The following GRID2 variants were observed in gnomAD, a reference collection of about 807,000 sequenced individuals.
GRID2 encodes glutamate receptor ionotropic, delta-2.
GRID2 carries 33 observed loss-of-function variants against 114.8 expected under a neutral mutation model. That is an observed-to-expected ratio of 0.29 (90% CI 0.22 to 0.38). The LOEUF (loss-of-function observed/expected upper bound fraction) is 0.38, where lower values mean the gene tolerates loss of function less well. GRID2 is among the 10% of genes least tolerant of loss of function. The probability of loss-of-function intolerance (pLI) is 1.00; values close to 1 mark genes in which losing one functional copy is unlikely to be tolerated. For missense variants in GRID2, 1,184 were observed against 1,257.7 expected (o/e 0.94, Z 0.89); for synonymous variants, 505 against 449.9 (o/e 1.12, Z -1.55).
At chr4:93,014,747 C>T (rs990000679) in intron 2 of GRID2, among the ~76,000 whole-genome samples, 7 of 152,084 alleles carry the variant, frequency 4.6e-5, no homozygotes, top group African/African-American at 1.7e-4. Flanking sequence ...TAATGGGTCA[C>T]TTGGAATTTT....
intron 3 of GRID2, among the ~76,000 whole-genome samples, chr4:93,103,102 C>T (rs181416770): frequency 6.6e-6 from 1 of 152,176 alleles, no homozygotes; most frequent in African/African-American, 2.4e-5. Context: ...TGACTACCTT[C>T]CTTATGAATT....
intron 8 of GRID2, among the ~76,000 whole-genome samples, chr4:93,292,009 A>G (rs1753809086): frequency 1.3e-5 from 2 of 152,188 alleles, no homozygotes; most frequent in Admixed American, 1.3e-4. Context: ...TACTCATAAG[A>G]TGGTTGAAAT....
chr4:92,360,429 G>A (rs1728557765), intron 1 of GRID2, among the ~76,000 whole-genome samples: 1 of 151,806 alleles, frequency 6.6e-6, no homozygotes, highest in African/African-American at 2.4e-5. Context: ...TAAAAACACA[G>A]GCAGATAAAC....
intron 2 of GRID2, among the ~76,000 whole-genome samples, chr4:92,847,825 C>A (rs1434574448): frequency 6.6e-6 from 1 of 151,794 alleles, no homozygotes; most frequent in African/African-American, 2.4e-5. Context: ...CATTTACTTT[C>A]TTTTTTAAAA....
At chr4:92,907,965 G>A (rs1394379307) in intron 2 of GRID2, among the ~76,000 whole-genome samples, 1 of 152,126 alleles carries the variant, frequency 6.6e-6, no homozygotes, top group Non-Finnish European at 1.5e-5. Flanking sequence ...AGAGGTTGCA[G>A]TGAGCCGAGA....
At chr4:93,589,270 C>G (rs1448175030) in intron 13 of GRID2, among the ~76,000 whole-genome samples, 3 of 145,236 alleles carry the variant, frequency 2.1e-5, no homozygotes, top group Non-Finnish European at 4.5e-5. Flanking sequence ...TCTCACTGTT[C>G]AATTCCCACC....
chr4:92,675,496 A>G (rs1733299089), intron 2 of GRID2, among the ~76,000 whole-genome samples: 1 of 133,534 alleles, frequency 7.5e-6, no homozygotes, highest in African/African-American at 2.7e-5. Flanking sequence ...TCCAATCACT[A>G]TTCTTCACTA....
Position 92,740,733 on chromosome 4 carries a change from TA to T in GRID2, c.244+150448del, listed in dbSNP as rs1216014855. Among the ~76,000 whole-genome samples, 297 of 125,272 alleles carry T rather than the reference TA, an allele frequency of 2.4e-3. 3 individuals carry two copies. Among genetic ancestry groups the T allele is most frequent in the African/African-American group, 8.3e-3 (274 of 33,082 alleles). The allele number at this position is 125,272 out of a possible 152,430, so 82.2% of individuals were successfully genotyped here. A position where few individuals can be genotyped will look rare whatever the true frequency, so the allele number is the denominator to read the frequency against. ...ATAGATAGATAGATAGATAGATAGA[TA>T]GATAGATGGATAGATAGATAGACAG... On this transcript the variant is annotated intron_variant, in intron 2 of 15. Transcript: ENST00000282020.
intron 2 of GRID2, among the ~76,000 whole-genome samples, chr4:92,933,063 T>G (rs1329716035): frequency 6.6e-6 from 1 of 150,844 alleles, no homozygotes; most frequent in East Asian, 1.9e-4. Flanking sequence ...CTTAAAAACC[T>G]CTCCATTTTA....
intron 4 of GRID2, among the ~76,000 whole-genome samples, chr4:93,184,411 A>C (rs1368966068): frequency 6.8e-6 from 1 of 146,414 alleles, no homozygotes; most frequent in Non-Finnish European, 1.5e-5. Flanking sequence ...TTTGGCTCTA[A>C]TTTTGTATAT....
intron 2 of GRID2, among the ~76,000 whole-genome samples, chr4:93,050,879 C>A (rs1264747636): frequency 6.6e-6 from 1 of 151,976 alleles, no homozygotes; most frequent in Non-Finnish European, 1.5e-5. Context: ...TTCACTTCTC[C>A]AACAGGCGTT....
chr4:93,172,462 C>A (rs542793558), intron 4 of GRID2, among the ~76,000 whole-genome samples: 2 of 151,842 alleles, frequency 1.3e-5, no homozygotes, highest in East Asian at 3.9e-4. Flanking sequence ...CATGGTGGCA[C>A]GTGCCTTTAA....
chr4:93,139,439 G>T (rs950739320), intron 4 of GRID2, among the ~76,000 whole-genome samples: 1 of 152,168 alleles, frequency 6.6e-6, no homozygotes, highest in South Asian at 2.1e-4. Flanking sequence ...AGGAAACCAG[G>T]GGGGATGATG....
intron 4 of GRID2, among the ~76,000 whole-genome samples, chr4:93,137,275 GA>G (rs991209486): frequency 9.2e-5 from 14 of 152,172 alleles, no homozygotes; most frequent in African/African-American, 2.9e-4. Flanking sequence ...AACTTCTGGG[GA>G]AAAAATTAAT....
intron 14 of GRID2, among the ~76,000 whole-genome samples, chr4:93,660,108 A>G (rs966887357): frequency 9.2e-5 from 14 of 152,138 alleles, no homozygotes; most frequent in Admixed American, 3.9e-4. Flanking sequence ...ATTTAAGAAC[A>G]TTATCCATAT....
At chr4:93,352,455 T>G (rs1018744208) in intron 8 of GRID2, among the ~76,000 whole-genome samples, 9 of 151,940 alleles carry the variant, frequency 5.9e-5, no homozygotes. Context: ...CACATAGTAT[T>G]AACTATTTTA....
intron 2 of GRID2, among the ~76,000 whole-genome samples, chr4:93,051,294 C>A (rs1289181866): frequency 6.6e-6 from 1 of 152,034 alleles, no homozygotes; most frequent in African/African-American, 2.4e-5. Context: ...AAAGCAGTTG[C>A]TTTTGCTGGT....
intron 11 of GRID2, among the ~76,000 whole-genome samples, chr4:93,476,211 A>G (rs1725308544): frequency 6.6e-6 from 1 of 152,142 alleles, no homozygotes; most frequent in Non-Finnish European, 1.5e-5. Context: ...GTATACAATG[A>G]TGTGTTAAAA....
At chr4:93,484,155 A>G (rs1226735583) in intron 11 of GRID2, among the ~76,000 whole-genome samples, 1 of 151,890 alleles carries the variant, frequency 6.6e-6, no homozygotes, top group African/African-American at 2.4e-5. Context: ...AGTACGTAAC[A>G]TATTGTGCAG....
Sources: gnomAD v4.1 joint callset for allele counts (sites outside exome capture counted in the v4.1 genomes callset) on GRCh38, gnomAD v4.1.1 for gene constraint, MANE v1.5 for transcripts, NCBI Gene and HGNC (gene_info 2026-07-23, HGNC 2026-07-21) for gene names.